Variants in ARHGAP22 observed in about 807,000 individuals in gnomAD.
ARHGAP22 encodes Rho GTPase activating protein 22.
A neutral mutation model predicts 59.1 loss-of-function variants in ARHGAP22; 48 were observed. The ratio of observed to expected loss-of-function variants is 0.81; its 90% confidence interval spans 0.64 to 1.03. The LOEUF (loss-of-function observed/expected upper bound fraction) is 1.03, where lower values mean the gene tolerates loss of function less well. ARHGAP22 is among the 50% of genes least tolerant of loss of function. The pLI is 0.00. For synonymous variants in ARHGAP22, 445 were observed against 416.4 expected, an observed-to-expected ratio of 1.07 and a Z score of -0.84; for missense variants, 1,015 against 958.7, an observed-to-expected ratio of 1.06 and a Z score of -0.78.
intron 3 of ARHGAP22, among the ~76,000 whole-genome samples, chr10:48,537,198 G>A (rs1169152471): frequency 6.6e-6 from 1 of 152,202 alleles, no homozygotes; most frequent in East Asian, 1.9e-4. Flanking sequence ...GGCAGCCCTT[G>A]CGGGGTGGCT....
intron 2 of ARHGAP22, among the ~76,000 whole-genome samples, chr10:48,565,231 G>A (rs2057974202): frequency 6.6e-6 from 1 of 152,180 alleles, no homozygotes; most frequent in Non-Finnish European, 1.5e-5. Flanking sequence ...TCTGTTAAAT[G>A]GGGTAGTGGC....
chr10:48,654,825 T>TTCCTTCCTTC (rs2062707531), upstream of ARHGAP22, among the ~76,000 whole-genome samples: 5 of 62,448 alleles, frequency 8.0e-5, no homozygotes, highest in African/African-American at 2.4e-4. Context: ...TTTCTTTCTT[T>TTCCTTCCTTC]CTTCCTTCCT....
chr10:48,460,535 GGAT>G (rs2047038615), intron 4 of ARHGAP22, among the ~76,000 whole-genome samples: 1 of 152,250 alleles, frequency 6.6e-6, no homozygotes, highest in Non-Finnish European at 1.5e-5. Context: ...ACTGCTGGCA[GGAT>G]GATAAGATGG....
chr10:48,595,349 C>A (rs367998994), intron 1 of ARHGAP22, among the ~76,000 whole-genome samples: 1 of 151,984 alleles, frequency 6.6e-6, no homozygotes, highest in African/African-American at 2.4e-5. Flanking sequence ...CTGGAGGGGC[C>A]GGGAAGAGAT....
intron 3 of ARHGAP22, among the ~76,000 whole-genome samples, chr10:48,509,910 G>C (rs894225758): frequency 2.0e-5 from 3 of 152,182 alleles, no homozygotes; most frequent in Admixed American, 2.0e-4. Flanking sequence ...TAGTCCCACA[G>C]TCAAGAAGTA....
intron 3 of ARHGAP22, among the ~76,000 whole-genome samples, chr10:48,481,521 C>T (rs200351049): frequency 2.1e-4 from 32 of 152,270 alleles, no homozygotes; most frequent in East Asian, 1.9e-3. Flanking sequence ...AAATTATTTT[C>T]CCTGAAGAGG....
chr10:48,563,579 T>C (rs2057851264), intron 2 of ARHGAP22, among the ~76,000 whole-genome samples: 1 of 152,230 alleles, frequency 6.6e-6, no homozygotes, highest in Non-Finnish European at 1.5e-5. Flanking sequence ...TAACATAACA[T>C]ATTCACATGT....
chr10:48,582,134 G>A (rs1026990377), intron 2 of ARHGAP22, among the ~76,000 whole-genome samples: 5 of 152,184 alleles, frequency 3.3e-5, no homozygotes, highest in Non-Finnish European at 7.3e-5. Flanking sequence ...GGATGGCTGG[G>A]ATGTGAACCA....
chr10:48,451,567 G>A (rs1202031102), intron 8 of ARHGAP22: 1 of 702,236 alleles, frequency 1.4e-6, no homozygotes, highest in Non-Finnish European at 2.6e-6. Flanking sequence ...TCCACACTCT[G>A]GGAGCATAGG....
In ARHGAP22 at chr10:48,555,464, T is replaced by C. The variant is rs1315331042; in HGVS notation, c.321A>G (p.Pro107=). The C allele has an allele frequency of 6.2e-7, 1 of 1,613,806 alleles. No homozygotes were observed. The highest frequency in any genetic ancestry group is 1.3e-5 in the African/African-American group (1 of 74,920). The change falls in exon 3 of 10, where the codon CCA becomes CCG. Residue 107 remains proline (P), a splice_region_variant and synonymous_variant. Coordinates refer to ENST00000249601, the MANE Select transcript of ARHGAP22 (RefSeq NM_021226.4). ...DPGKHLFEIS[P]GGAGEREKVP... ...GAGCTGGAAGGTGCTCAGGCCTACC[T>C]GGGCTGATCTCAAAGAGGTGCTTCC...
intron 2 of ARHGAP22, among the ~76,000 whole-genome samples, chr10:48,579,142 C>A (rs2058954646): frequency 6.6e-6 from 1 of 151,522 alleles, no homozygotes; most frequent in Non-Finnish European, 1.5e-5. Context: ...ATTTGCTCAA[C>A]TGATCACATT....
intron 3 of ARHGAP22, among the ~76,000 whole-genome samples, chr10:48,547,872 A>C: frequency 6.6e-6 from 1 of 152,322 alleles, no homozygotes; most frequent in East Asian, 1.9e-4. Context: ...GCCCTGCAGA[A>C]ATACAGTCAT....
intron 1 of ARHGAP22, among the ~76,000 whole-genome samples, chr10:48,622,689 C>T (rs1170162818): frequency 6.6e-6 from 1 of 152,200 alleles, no homozygotes; most frequent in Non-Finnish European, 1.5e-5. Context: ...CTTTGTGCCT[C>T]TGTTACCACA....
At chr10:48,572,600 A>T (rs7358030) in intron 2 of ARHGAP22, among the ~76,000 whole-genome samples, 2 of 151,938 alleles carry the variant, frequency 1.3e-5, no homozygotes, top group South Asian at 4.1e-4. Context: ...AGTAGGCATG[A>T]GTCAGGACCC....
At chr10:48,577,522 C>T (rs1284143743) in intron 2 of ARHGAP22, among the ~76,000 whole-genome samples, 1 of 152,080 alleles carries the variant, frequency 6.6e-6, no homozygotes, top group East Asian at 1.9e-4. Flanking sequence ...GAAAATTCAT[C>T]AGTTTCCTTC....
chr10:48,441,271 C>G (rs1454476676), downstream of ARHGAP22, among the ~76,000 whole-genome samples: 1 of 151,986 alleles, frequency 6.6e-6, no homozygotes, highest in South Asian at 2.1e-4. Flanking sequence ...GTTGGATATA[C>G]CACTTTAGAG....
the ARHGAP22 span, among the ~76,000 whole-genome samples, chr10:48,433,608 A>G: frequency 6.6e-6 from 1 of 152,140 alleles, no homozygotes; most frequent in Non-Finnish European, 1.5e-5. Context: ...CTCCCATCAC[A>G]TGCTTTGTCT....
At chr10:48,474,466 T>G (rs924852528) in intron 4 of ARHGAP22, among the ~76,000 whole-genome samples, 3 of 152,228 alleles carry the variant, frequency 2.0e-5, no homozygotes, top group Non-Finnish European at 2.9e-5. Flanking sequence ...GAACCTCTAG[T>G]ACAATGCTGA....
At chr10:48,546,252 A>G (rs2056423921) in intron 3 of ARHGAP22, among the ~76,000 whole-genome samples, 1 of 152,170 alleles carries the variant, frequency 6.6e-6, no homozygotes, top group Non-Finnish European at 1.5e-5. Context: ...CAGAATAGAC[A>G]TTGGTGGAGA....
Sources: allele counts gnomAD v4.1 joint callset (sites outside exome capture counted in the v4.1 genomes callset), GRCh38; gene constraint gnomAD v4.1.1; transcripts MANE v1.5; gene names NCBI Gene and HGNC (gene_info 2026-07-23, HGNC 2026-07-21).